ARID3A: variants seen among roughly 807,000 people sequenced by gnomAD.
ARID3A encodes AT-rich interaction domain 3A, also known as AT-rich interactive domain-containing protein 3A.
In ARID3A, 11 loss-of-function variants were observed where a neutral mutation model predicts 52.7. That is an observed-to-expected ratio of 0.21 (90% confidence interval 0.13 to 0.35). The LOEUF is 0.35. Among genes scored for constraint, ARID3A ranks in the 10% least tolerant of loss-of-function variants. The pLI is 1.00. For missense variants in ARID3A, 721 were observed against 838.5 expected (o/e 0.86, Z 1.73); for synonymous variants, 404 against 359.4 (o/e 1.12, Z -1.40).
Position 974,370 on chromosome 19 carries a change from G to A in ARID3A, c.*2305G>A, listed in dbSNP as rs1456311230. The A allele has an allele frequency of 8.7e-6, 2 of 229,736 alleles. No homozygotes were observed. The highest frequency in any genetic ancestry group is 1.7e-5 in the Non-Finnish European group (2 of 115,866). 14.2% of individuals were successfully genotyped at this position (229,736 alleles called of 1,614,324 possible). ...TAGCAGCACAATCACCCCGGGAAGG[G>A]GGTGTCTGTTTGCCTCCAGACACAA... On this transcript the variant is annotated 3_prime_UTR_variant, in exon 9 of 9. Coordinates refer to ENST00000263620, the MANE Select transcript of ARID3A (RefSeq NM_005224.3).
chr19:948,702 CTTTTTTTTTTTTTTT>C (rs35592836), intron 3 of ARID3A, among the ~76,000 whole-genome samples: 4 of 77,290 alleles, frequency 5.2e-5, no homozygotes, highest in African/African-American at 1.6e-4. Flanking sequence ...GGCCTGGAGT[CTTTTTTTTTTTTTTT>C]TTTTTTTTTT....
chr19:969,843 C>T (rs545338612), intron 8 of ARID3A, among the ~76,000 whole-genome samples: 3 of 151,310 alleles, frequency 2.0e-5, no homozygotes, highest in South Asian at 4.2e-4. Flanking sequence ...CGTGTGTCAC[C>T]ACACCCAGCT....
intron 3 of ARID3A, among the ~76,000 whole-genome samples, chr19:952,065 C>T (rs1399628964): frequency 6.6e-6 from 1 of 151,950 alleles, no homozygotes; most frequent in Admixed American, 6.6e-5. Flanking sequence ...CGTTTGAACC[C>T]GGGAGGCGGA....
chr19:956,297 A>G (rs1237572921), intron 3 of ARID3A, among the ~76,000 whole-genome samples: 2 of 152,032 alleles, frequency 1.3e-5, no homozygotes, highest in African/African-American at 2.4e-5. Flanking sequence ...TCACTTTTGC[A>G]GCTGAGAAAA....
chr19:944,630 C>T lies in ARID3A; in HGVS notation c.693+11888C>T, dbSNP rs1164896240. ...TGAACCTCCTTCATTGTCTGGTTTT[C>T]GGGGGTGGATTTTGAGACAGGGTCT... On this transcript the variant is annotated intron_variant, in intron 3 of 8. Coordinates refer to ENST00000263620, the MANE Select transcript of ARID3A (RefSeq NM_005224.3). The surrounding 1 kb of genome is among the most constrained non-coding windows in gnomAD (Gnocchi z 5.9). 1.3e-5 allele frequency among the ~76,000 whole-genome samples: 2 copies of T among 152,106 alleles called. No individual in the cohort carries two copies. Among genetic ancestry groups the T allele is most frequent in the Admixed American group, 6.5e-5 (1 of 15,270 alleles).
In ARID3A at chr19:974,723, G is replaced by T; in HGVS notation, c.*2658G>T. The T allele has an allele frequency of 4.3e-6, 1 of 231,430 alleles. No individual in the cohort carries two copies. The highest frequency in any genetic ancestry group is 2.2e-5 in the African/African-American group (1 of 45,294). The allele number at this position is 231,430 out of a possible 1,614,324, so 14.3% of individuals were successfully genotyped here. On this transcript the variant is annotated 3_prime_UTR_variant, in exon 9 of 9. Transcript: ENST00000263620. ...GCCGTGCAGGGTCGAGGGCTGGGTC[G>T]TCTCCCTCGGGCTGCGTGTGTGTGT...
chr19:947,156 TG>T lies in ARID3A; in HGVS notation c.694-12932del, dbSNP rs1199432110. On this transcript the variant is annotated intron_variant, in intron 3 of 8. Transcript: ENST00000263620. The surrounding 1 kb of genome is among the most constrained non-coding windows in gnomAD (Gnocchi z 6.3). ...CCCCCCATTGCTGGGCACCGTGGGGTGGGGTGTGTCTGTGTGTGGCCTGGGG... is the reference window on the plus strand; with the variant it reads ...CCCCCCATTGCTGGGCACCGTGGGGTGGGTGTGTCTGTGTGTGGCCTGGGG... 2.0e-5 allele frequency among the ~76,000 whole-genome samples: 3 copies of T among 151,920 alleles called. No individual in the cohort carries two copies. Among genetic ancestry groups the T allele is most frequent in the African/African-American group, 7.3e-5 (3 of 41,342 alleles).
Position 929,984 on chromosome 19 carries a change from C to T in ARID3A, c.368+88C>T, listed in dbSNP as rs2037287639. On this transcript the variant is annotated intron_variant, in intron 2 of 8. Coordinates refer to ENST00000263620, the MANE Select transcript of ARID3A (RefSeq NM_005224.3). This position sits in a 1 kb window ranked among gnomAD's most constrained non-coding sequence, Gnocchi z 6.2. Reference sequence around the variant, plus strand: ...TCATCTGCAGAATGGGAGTAAGGGTCAGGTCGCGGGATCTCCTTCCTGTAA... The same window carrying T: ...TCATCTGCAGAATGGGAGTAAGGGTTAGGTCGCGGGATCTCCTTCCTGTAA... 1.1e-5 allele frequency: 16 copies of T among 1,491,656 alleles called. No individual in the cohort carries two copies. Among genetic ancestry groups the T allele is most frequent in the Non-Finnish European group, 1.4e-5 (16 of 1,118,840 alleles). 92.4% of individuals were successfully genotyped at this position (1,491,656 alleles called of 1,614,324 possible).
At chr19:951,187 G>T (rs2037796677) in intron 3 of ARID3A, among the ~76,000 whole-genome samples, 2 of 151,688 alleles carry the variant, frequency 1.3e-5, no homozygotes, top group African/African-American at 4.8e-5. Context: ...AAACTCCTGG[G>T]CTCAAGTGAT....
chr19:945,547 AGG>A (rs752958460), intron 3 of ARID3A, among the ~76,000 whole-genome samples: 1 of 152,170 alleles, frequency 6.6e-6, no homozygotes, highest in Non-Finnish European at 1.5e-5. Flanking sequence ...TGCCCATGGT[AGG>A]GGCAGTTCCT....
In ARID3A at chr19:960,354, C is replaced by T. The variant is rs985491988; in HGVS notation, c.766+190C>T. 2.0e-5 allele frequency among the ~76,000 whole-genome samples: 3 copies of T among 152,022 alleles called. No individual in the cohort carries two copies. Among genetic ancestry groups the T allele is most frequent in the South Asian group, 4.1e-4 (2 of 4,820 alleles). Reference sequence around the variant, plus strand: ...CACATCCTGCCATGGAGGTTTGACGCGGGAGGCACGCCTGTGAGTCTAAGG... The same window carrying T: ...CACATCCTGCCATGGAGGTTTGACGTGGGAGGCACGCCTGTGAGTCTAAGG... On this transcript the variant is annotated intron_variant, in intron 4 of 8. Coordinates refer to ENST00000263620, the MANE Select transcript of ARID3A (RefSeq NM_005224.3). The surrounding 1 kb of genome is among the most constrained non-coding windows in gnomAD (Gnocchi z 4.3).
At chr19:956,777 TCCAA>T (rs765501116) in intron 3 of ARID3A, 1 of 152,272 alleles carries the variant, frequency 6.6e-6, no homozygotes, top group Non-Finnish European at 1.5e-5. Context: ...TCACTGGGCC[TCCAA>T]TACACAGACG....
chr19:926,304 A>G (rs1408966395), intron 1 of ARID3A, among the ~76,000 whole-genome samples: 3 of 150,712 alleles, frequency 2.0e-5, no homozygotes, highest in African/African-American at 7.3e-5. Flanking sequence ...TTGGGCGGAG[A>G]TGTTGGTGGG....
chr19:932,802 T>C, intron 3 of ARID3A, 60 bp downstream of exon 3: 1 of 1,541,388 alleles, frequency 6.5e-7, no homozygotes, highest in Non-Finnish European at 8.7e-7. Flanking sequence ...GTGGGGCCCT[T>C]TGAAGGCCCA....
intron 3 of ARID3A, among the ~76,000 whole-genome samples, chr19:940,875 C>T (rs1273640990): frequency 2.6e-5 from 4 of 152,090 alleles, no homozygotes; most frequent in Admixed American, 6.5e-5. Flanking sequence ...ATCAAAGCCA[C>T]TGTGGCTGCT....
Position 942,593 on chromosome 19 carries a change from C to T in ARID3A, c.693+9851C>T, listed in dbSNP as rs1219470024. Reference sequence around the variant, plus strand: ...GGGATATGCAGCCTTGCCCCTTGGTCAGGGCTGGGCTGGGGGTCCGTGGGC... The same window carrying T: ...GGGATATGCAGCCTTGCCCCTTGGTTAGGGCTGGGCTGGGGGTCCGTGGGC... On this transcript the variant is annotated intron_variant, in intron 3 of 8. Transcript: ENST00000263620. The surrounding 1 kb of genome is among the most constrained non-coding windows in gnomAD (Gnocchi z 8.1). 6.6e-6 allele frequency among the ~76,000 whole-genome samples: 1 copy of T among 152,188 alleles called. No individual in the cohort carries two copies. Among genetic ancestry groups the T allele is most frequent in the Non-Finnish European group, 1.5e-5 (1 of 68,030 alleles).
chr19:929,918 G>C lies in ARID3A; in HGVS notation c.368+22G>C. The C allele has an allele frequency of 6.5e-7, 1 of 1,537,604 alleles. No individual in the cohort carries two copies. The highest frequency in any genetic ancestry group is 8.7e-7 in the Non-Finnish European group (1 of 1,146,646). On this transcript the variant is annotated intron_variant, in intron 2 of 8. Transcript: ENST00000263620. This position sits in a 1 kb window ranked among gnomAD's most constrained non-coding sequence, Gnocchi z 6.2. The stretch of plus-strand genomic sequence containing the variant: ...ACATGTGAGTTGGGGTCTGGGGCAG[G>C]GCCTTCTGGGGGCTGTTACTGGCTC...
chr19:937,105 T>C (rs189750370), intron 3 of ARID3A, among the ~76,000 whole-genome samples: 12 of 152,108 alleles, frequency 7.9e-5, no homozygotes, highest in Admixed American at 4.6e-4. Flanking sequence ...CTGTCTTTAC[T>C]AAAAATACAA....
At chr19:927,901 C>A (rs894904007) in intron 1 of ARID3A, among the ~76,000 whole-genome samples, 4 of 148,450 alleles carry the variant, frequency 2.7e-5, no homozygotes, top group South Asian at 2.1e-4. Flanking sequence ...ACCTGCCCCC[C>A]ACTGCCTTTT....
Sources: allele counts gnomAD v4.1 joint callset (sites outside exome capture counted in the v4.1 genomes callset), GRCh38; gene constraint gnomAD v4.1.1; non-coding constraint Gnocchi (gnomAD v3.1); transcripts MANE v1.5; gene names NCBI Gene and HGNC (gene_info 2026-07-23, HGNC 2026-07-21).